Variants in NUF2 observed in about 807,000 individuals in gnomAD.
The protein encoded by NUF2 is kinetochore protein Nuf2.
Under a neutral mutation model 61.8 loss-of-function variants are expected in NUF2, and 34 were observed. That is an observed-to-expected ratio of 0.55 (90% CI 0.42 to 0.73). The LOEUF is 0.73. Ranked by LOEUF, NUF2 falls within the 30% of genes least tolerant of loss-of-function variation. NUF2 has a pLI of 0.00. For synonymous variants in NUF2, 172 were observed against 181.6 expected, an observed-to-expected ratio of 0.95 and a Z score of 0.42; for missense variants, 445 against 539.1, an observed-to-expected ratio of 0.83 and a Z score of 1.73.
At chr1:163,328,636 T>A (rs1650503155) in intron 4 of NUF2, 2 of 513,044 alleles carry the variant, frequency 3.9e-6, no homozygotes, top group Non-Finnish European at 6.8e-6. Flanking sequence ...TAACTATACT[T>A]TAGTATTGCA....
At chr1:163,344,993 T>C (rs1651074719) in intron 10 of NUF2, among the ~76,000 whole-genome samples, 1 of 152,124 alleles carries the variant, frequency 6.6e-6, no homozygotes, top group African/African-American at 2.4e-5. Flanking sequence ...GGAGAACACT[T>C]ATATAATCTT....
At chr1:163,349,712 A>G (rs12746629) in intron 13 of NUF2, among the ~76,000 whole-genome samples, 19,943 of 152,126 alleles carry the variant, frequency 0.13, 1,617 homozygotes, top group Non-Finnish European at 0.17. Context: ...ATCTGTTCTC[A>G]GTACCTTATC....
chr1:163,345,441 G>A (rs939919630), intron 10 of NUF2, among the ~76,000 whole-genome samples: 2 of 152,066 alleles, frequency 1.3e-5, no homozygotes, highest in Non-Finnish European at 2.9e-5. Context: ...TCATTGAGTA[G>A]TAAAATTATG....
intron 2 of NUF2, 152 bp downstream of exon 2, chr1:163,326,326 A>G: frequency 1.7e-6 from 1 of 595,876 alleles, no homozygotes. Flanking sequence ...AGCATAATTT[A>G]AAAATAACAC....
intron 1 of NUF2, chr1:163,322,906 G>C (rs1650283975): frequency 6.6e-6 from 1 of 152,104 alleles, no homozygotes; most frequent in Non-Finnish European, 1.5e-5. Context: ...TTCATCTCTC[G>C]TTAATGAATA....
At chr1:163,340,304 G>C in intron 8 of NUF2, 60 bp from the exon 9 acceptor site, 2 of 1,256,796 alleles carry the variant, frequency 1.6e-6, no homozygotes. Flanking sequence ...TGAGACAGCA[G>C]TGAGTGGCTA....
At chr1:163,346,539 G>A (rs191943174) in intron 11 of NUF2, among the ~76,000 whole-genome samples, 5 of 152,270 alleles carry the variant, frequency 3.3e-5, no homozygotes, top group Admixed American at 3.3e-4. Flanking sequence ...GCATGAATCT[G>A]CTGGGCAAAG....
intron 2 of NUF2, 62 bp from the exon 3 acceptor site, chr1:163,327,423 AATG>A: frequency 2.4e-6 from 2 of 818,188 alleles, no homozygotes; most frequent in Non-Finnish European, 2.1e-6. Flanking sequence ...ATTGTATGGT[AATG>A]ATGATAGTGA....
At chr1:163,324,738 G>C (rs10799910) in intron 1 of NUF2, among the ~76,000 whole-genome samples, 63,171 of 151,842 alleles carry the variant, frequency 0.42, 13,533 homozygotes, top group South Asian at 0.59. Context: ...TGCTATTTTT[G>C]TGGTTACAGG....
At position 163,355,413 on chromosome 1, in the gene NUF2, A is replaced by G; in HGVS notation, c.1339A>G (p.Lys447Glu). The stretch of plus-strand genomic sequence containing the variant: ...AAAGGCAGCAGAGGACTCCTATGCT[A>G]AGATAGATGAGAAGACAGCTGAACT... Reference protein sequence around the residue: ...IEKAAEDSYAKIDEKTAELKR... With the variant: ...IEKAAEDSYAEIDEKTAELKR... The change falls in exon 14 of 14, where the codon AAG (lysine) becomes GAG (glutamate). Residue 447 changes from lysine to glutamate, a missense_variant. Physicochemically the swap from Lys to Glu is moderately conservative, Grantham distance 56. Coordinates refer to ENST00000271452, the MANE Select transcript of NUF2 (RefSeq NM_145697.3). 1 of 1,608,272 alleles carries G rather than the reference A, an allele frequency of 6.2e-7. No homozygotes were observed. Among genetic ancestry groups the G allele is most frequent in the Non-Finnish European group, 8.5e-7 (1 of 1,176,504 alleles).
chr1:163,338,168 C>G, intron 7 of NUF2, 75 bp downstream of exon 7: 1 of 1,066,512 alleles, frequency 9.4e-7, no homozygotes, highest in East Asian at 2.5e-5. Context: ...ATTTTACAAC[C>G]CTATATTCCA....
chr1:163,333,309 G>A (rs79843713), intron 5 of NUF2, among the ~76,000 whole-genome samples: 5,155 of 152,038 alleles, frequency 0.034, 173 homozygotes, highest in African/African-American at 0.087. Flanking sequence ...GATTCAAAAC[G>A]GGTTTCTTGT....
Position 163,326,193 on chromosome 1 carries a change from T to C in NUF2, c.123+19T>C. The C allele has an allele frequency of 6.2e-7, 1 of 1,609,948 alleles. No homozygotes were observed. Among genetic ancestry groups the C allele is most frequent in the Non-Finnish European group, 8.5e-7 (1 of 1,177,656 alleles). On this transcript the variant is annotated intron_variant, in intron 2 of 13. Coordinates refer to ENST00000271452, the MANE Select transcript of NUF2 (RefSeq NM_145697.3). ...TCCAAAGGTAAAAGGTGGTTACGTT[T>C]GCATGTGGATAATGGTATTTAGGGA...
chr1:163,344,973 A>T (rs1271409980), intron 10 of NUF2, among the ~76,000 whole-genome samples: 1 of 152,184 alleles, frequency 6.6e-6, no homozygotes, highest in Non-Finnish European at 1.5e-5. Flanking sequence ...TTTAAGTTTT[A>T]CAGATTTTAG....
At position 163,326,012 on chromosome 1, in the gene NUF2, A is replaced by C. The variant is rs1488823184; in HGVS notation, c.-20-20A>C. 2.3e-5 allele frequency: 37 copies of C among 1,596,652 alleles called. No individual in the cohort carries two copies. Among genetic ancestry groups the C allele is most frequent in the Non-Finnish European group, 3.1e-5 (36 of 1,167,498 alleles). On this transcript the variant is annotated intron_variant, in intron 1 of 13. Coordinates refer to ENST00000271452, the MANE Select transcript of NUF2 (RefSeq NM_145697.3). ...AACTACTGATCATGTGGTATTTCTC[A>C]TTGTTTTTTCTTCCTTCAGATTAAC...
At position 163,333,308 on chromosome 1, in the gene NUF2, C is replaced by T. The variant is rs1650658058; in HGVS notation, c.338-3443C>T. On this transcript the variant is annotated intron_variant, in intron 5 of 13. Coordinates refer to ENST00000271452, the MANE Select transcript of NUF2 (RefSeq NM_145697.3). ...GTAACTTGTGCCTTTGGATTCAAAA[C>T]GGGTTTCTTGTAGACAGCATATGGT... Among the ~76,000 whole-genome samples the T allele has an allele frequency of 2.6e-5, 4 of 152,164 alleles. No individual in the cohort carries two copies. The South Asian group carries it at 6.2e-4, about 24-fold the overall frequency.
At chr1:163,339,607 T>C (rs1650874954) in intron 8 of NUF2, 130 bp downstream of exon 8, 1 of 607,858 alleles carries the variant, frequency 1.6e-6, no homozygotes. Context: ...TCTGTGCCCA[T>C]TTGTGCCCCT....
In NUF2 at chr1:163,339,655, G is replaced by A. The variant is rs140076830; in HGVS notation, c.606+178G>A. Among the ~76,000 whole-genome samples the A allele has an allele frequency of 3.7e-3, 570 of 152,162 alleles. 3 individuals carry two copies. Among genetic ancestry groups the A allele is most frequent in the African/African-American group, 0.013 (551 of 41,536 alleles). ...ATACTTCTCTCAACCATCTAGAACCGTGATGGTTTTTGTTGGCAAAGTTTT... is the reference window on the plus strand; with the variant it reads ...ATACTTCTCTCAACCATCTAGAACCATGATGGTTTTTGTTGGCAAAGTTTT... On this transcript the variant is annotated intron_variant, in intron 8 of 13. Coordinates refer to ENST00000271452, the MANE Select transcript of NUF2 (RefSeq NM_145697.3).
chr1:163,349,030 G>A lies in NUF2; in HGVS notation c.1210G>A (p.Gly404Arg). ...INQEIQKIKLGIQQLKDAAER... is the reference protein window; with the variant it reads ...INQEIQKIKLRIQQLKDAAER... ...TCAAGAAATCCAAAAAATTAAACTT[G>A]GAATTCAACAACTAAAAGATGCTGC... The change falls in exon 13 of 14, where the codon GGA (glycine) becomes AGA (arginine). Residue 404 changes from glycine to arginine, a missense_variant. Physicochemically the swap from Gly to Arg is moderately radical, Grantham distance 125. Coordinates refer to ENST00000271452, the MANE Select transcript of NUF2 (RefSeq NM_145697.3). 1 of 1,611,938 alleles carries A rather than the reference G, an allele frequency of 6.2e-7. No individual in the cohort carries two copies. The highest frequency in any genetic ancestry group is 1.1e-5 in the South Asian group (1 of 90,534).
Sources: gnomAD v4.1 joint callset for allele counts (sites outside exome capture counted in the v4.1 genomes callset) on GRCh38, gnomAD v4.1.1 for gene constraint, MANE v1.5 for transcripts, NCBI Gene and HGNC (gene_info 2026-07-23, HGNC 2026-07-21) for gene names.